Variants in G3BP1 observed in about 807,000 individuals in gnomAD.
The protein encoded by G3BP1 is ras GTPase-activating protein-binding protein 1.
A neutral mutation model predicts 58.6 loss-of-function variants in G3BP1; 35 were observed. The ratio of observed to expected loss-of-function variants is 0.60; its 90% CI spans 0.46 to 0.79. G3BP1 has a LOEUF of 0.79. Ranked by LOEUF, G3BP1 falls within the 30% of genes least tolerant of loss-of-function variation. G3BP1 has a pLI of 0.00. For missense variants in G3BP1, 523 were observed against 580.8 expected, an observed-to-expected ratio of 0.90 and a Z score of 1.02; for synonymous variants, 191 against 195.4, an observed-to-expected ratio of 0.98 and a Z score of 0.19.
intron 1 of G3BP1, among the ~76,000 whole-genome samples, chr5:151,777,971 A>AT (rs777268203): frequency 6.6e-6 from 1 of 151,478 alleles, no homozygotes; most frequent in East Asian, 1.9e-4. Flanking sequence ...GCATATCACA[A>AT]TTTTTTGGTT....
rs114790837 is a variant in G3BP1, at chr5:151,790,718, G to A, written c.178-171G>A. ...ACAGTTATTTAAAAAACTCAAGCGC[G>A]GTCACTGGGAATAGAGTATACAAAG... On this transcript the variant is annotated intron_variant, in intron 3 of 11. Transcript: ENST00000356245. Among the ~76,000 whole-genome samples, 853 of 152,064 alleles carry A rather than the reference G, an allele frequency of 5.6e-3. 12 individuals are homozygous for A. The highest frequency in any genetic ancestry group is 0.02 in the African/African-American group (823 of 41,472).
At chr5:151,802,511 C>T (rs999060673) in intron 11 of G3BP1, among the ~76,000 whole-genome samples, 13 of 152,178 alleles carry the variant, frequency 8.5e-5, no homozygotes, top group African/African-American at 3.1e-4. Flanking sequence ...GGTTTGTATT[C>T]TCCTTTCATC....
Position 151,807,937 on chromosome 5 carries a change from A to G in G3BP1, c.*3846A>G, listed in dbSNP as rs1344604155. 1 of 152,222 alleles carries G rather than the reference A, an allele frequency of 6.6e-6. No homozygotes were observed. Among genetic ancestry groups the G allele is most frequent in the African/African-American group, 2.4e-5 (1 of 41,446 alleles). 9.4% of individuals were successfully genotyped at this position (152,222 alleles called of 1,614,324 possible). A position where few individuals can be genotyped will look rare whatever the true frequency, so the allele number is the denominator to read the frequency against. On this transcript the variant is annotated 3_prime_UTR_variant, in exon 12 of 12. Coordinates refer to ENST00000356245, the MANE Select transcript of G3BP1 (RefSeq NM_005754.3). Reference sequence around the variant, plus strand: ...TGTGCTACTTAAAGGAATCTTTGCAATGCTGCATATAGATAATTGTTGACC... The same window carrying G: ...TGTGCTACTTAAAGGAATCTTTGCAGTGCTGCATATAGATAATTGTTGACC...
At position 151,812,515 on chromosome 5, in the gene G3BP1, A is replaced by G. The variant is rs1189128315; in HGVS notation, c.*8424A>G. The G allele has an allele frequency of 6.6e-6, 1 of 152,254 alleles. No homozygotes were observed. Among genetic ancestry groups the G allele is most frequent in the Non-Finnish European group, 1.5e-5 (1 of 68,048 alleles). The allele number at this position is 152,254 out of a possible 1,614,324, so 9.4% of individuals were successfully genotyped here. On this transcript the variant is annotated 3_prime_UTR_variant, in exon 12 of 12. Transcript: ENST00000356245. ...TTTTGTGCAAGTATCTAAGCGGGCA[A>G]AATGGGGAAAACATGAAGGGCAAGT...
intron 4 of G3BP1, among the ~76,000 whole-genome samples, chr5:151,793,948 A>G (rs1762704363): frequency 6.6e-6 from 1 of 152,040 alleles, no homozygotes; most frequent in African/African-American, 2.4e-5. Flanking sequence ...TGGAATGTCA[A>G]GGCTGCAGTG....
chr5:151,795,602 G>C (rs1014425585), intron 6 of G3BP1, 27 bp downstream of exon 6: 6 of 1,152,986 alleles, frequency 5.2e-6, no homozygotes, highest in African/African-American at 3.1e-5. Context: ...CACATGTCCG[G>C]GGCTGCATAA....
intron 5 of G3BP1, among the ~76,000 whole-genome samples, 181 bp from the exon 6 acceptor site, chr5:151,795,298 A>G (rs1024566374): frequency 6.6e-6 from 1 of 152,198 alleles, no homozygotes; most frequent in Admixed American, 6.5e-5. Flanking sequence ...AAACAAAAAA[A>G]AGTCTGTTCT....
rs1763016174 is a variant in G3BP1 at position 151,811,346 on chromosome 5, G to C, written c.*7255G>C. On this transcript the variant is annotated 3_prime_UTR_variant, in exon 12 of 12. Coordinates refer to ENST00000356245, the MANE Select transcript of G3BP1 (RefSeq NM_005754.3). ...TAGCACCTATCAATAAATACTTCTT[G>C]AATGAACAAATGAATTCTCATTTCT... The C allele has an allele frequency of 6.6e-6, 1 of 152,134 alleles. No homozygotes were observed. 9.4% of individuals were successfully genotyped at this position (152,134 alleles called of 1,614,324 possible). A position where few individuals can be genotyped will look rare whatever the true frequency, so the allele number is the denominator to read the frequency against.
At chr5:151,780,837 C>G (rs935847074) in intron 1 of G3BP1, among the ~76,000 whole-genome samples, 2 of 152,150 alleles carry the variant, frequency 1.3e-5, no homozygotes, top group African/African-American at 4.8e-5. Flanking sequence ...TCTTTAGACC[C>G]TTAACATTTT....
rs1228559510 is a variant in G3BP1, at chr5:151,809,636, T to C, written c.*5545T>C. On this transcript the variant is annotated 3_prime_UTR_variant, in exon 12 of 12. Coordinates refer to ENST00000356245, the MANE Select transcript of G3BP1 (RefSeq NM_005754.3). Reference sequence around the variant, plus strand: ...CTGGAAAGGACTAGGAAGTGACTTGTACAACCCCTTCATTTTACAAAGGAT... The same window carrying C: ...CTGGAAAGGACTAGGAAGTGACTTGCACAACCCCTTCATTTTACAAAGGAT... 4 of 152,214 alleles carry C rather than the reference T, an allele frequency of 2.6e-5. No homozygotes were observed. Among genetic ancestry groups the C allele is most frequent in the Non-Finnish European group, 5.9e-5 (4 of 68,030 alleles). 9.4% of individuals were successfully genotyped at this position (152,214 alleles called of 1,614,324 possible). A position where few individuals can be genotyped will look rare whatever the true frequency, so the allele number is the denominator to read the frequency against.
intron 4 of G3BP1, chr5:151,791,585 A>G (rs1762653598): frequency 6.3e-6 from 1 of 157,928 alleles, no homozygotes; most frequent in African/African-American, 2.4e-5. Context: ...CATTAGGCAT[A>G]TTATGTCATT....
chr5:151,790,836 T>C (rs1032715421), intron 3 of G3BP1, 53 bp from the exon 4 acceptor site: 3 of 1,083,016 alleles, frequency 2.8e-6, no homozygotes, highest in Non-Finnish European at 4.0e-6. Flanking sequence ...GGAGGTTATT[T>C]AAATTTTAAG....
intron 7 of G3BP1, 107 bp from the exon 8 acceptor site, chr5:151,799,105 T>A (rs1027968343): frequency 8.7e-6 from 6 of 691,348 alleles, no homozygotes; most frequent in Admixed American, 4.7e-5. Context: ...CCATCCTGCC[T>A]ATGAGAATGT....
chr5:151,791,877 T>G (rs1762663831), intron 4 of G3BP1: 3 of 327,102 alleles, frequency 9.2e-6, no homozygotes, highest in Admixed American at 8.5e-5. Flanking sequence ...GGCTGGTCTC[T>G]AACTCCTGAC....
chr5:151,776,800 C>G (rs938845345), intron 1 of G3BP1, among the ~76,000 whole-genome samples: 1 of 151,550 alleles, frequency 6.6e-6, no homozygotes, highest in African/African-American at 2.4e-5. Flanking sequence ...CTCCTGGGCT[C>G]AAGCAATCCT....
chr5:151,781,879 A>G (rs1191355008), intron 1 of G3BP1, among the ~76,000 whole-genome samples: 1 of 152,196 alleles, frequency 6.6e-6, no homozygotes, highest in African/African-American at 2.4e-5. Flanking sequence ...TGAGGAGTCA[A>G]GTTATACACA....
chr5:151,784,131 T>C (rs976387697), intron 1 of G3BP1, among the ~76,000 whole-genome samples: 4 of 152,226 alleles, frequency 2.6e-5, no homozygotes, highest in Non-Finnish European at 5.9e-5. Context: ...GGTCTTGCTC[T>C]GGCACCCAGG....
intron 6 of G3BP1, 53 bp downstream of exon 6, chr5:151,795,628 A>G: frequency 4.9e-6 from 4 of 816,048 alleles, no homozygotes; most frequent in East Asian, 2.5e-5. Flanking sequence ...TGCATTGTCT[A>G]GTCTTTCCCT....
Position 151,796,379 on chromosome 5 carries a change from C to T in G3BP1, c.539+804C>T, listed in dbSNP as rs557543168. 1.8e-3 allele frequency among the ~76,000 whole-genome samples: 275 copies of T among 152,362 alleles called. 3 individuals are homozygous for T. The South Asian group carries it at 0.025, about 14-fold the overall frequency. On this transcript the variant is annotated intron_variant, in intron 6 of 11. Transcript: ENST00000356245. ...CGCTTCCTGGATTCAAGCAATCCCC[C>T]TGCCTCAGCCTCCTGAGTAGCTGGG... is the stretch of plus-strand genomic sequence containing the variant.
Sources: gnomAD v4.1 joint callset for allele counts (sites outside exome capture counted in the v4.1 genomes callset) on GRCh38, gnomAD v4.1.1 for gene constraint, MANE v1.5 for transcripts, NCBI Gene and HGNC (gene_info 2026-07-23, HGNC 2026-07-21) for gene names.